The following RIPOR2 variants were observed in gnomAD, a reference collection of about 807,000 sequenced individuals.
RIPOR2 encodes RHO family interacting cell polarization regulator 2.
Under a neutral mutation model 114.5 loss-of-function variants are expected in RIPOR2, and 39 were observed. The observed-to-expected ratio is 0.34, with a 90% CI of 0.26 to 0.44. The LOEUF is 0.44. Ranked by LOEUF, RIPOR2 falls within the 20% of genes least tolerant of loss-of-function variation. The probability of loss-of-function intolerance (pLI) is 1.00; values close to 1 mark genes in which losing one functional copy is unlikely to be tolerated. For synonymous variants in RIPOR2, 445 were observed against 484.4 expected (o/e 0.92, Z 1.07); for missense variants, 1,007 against 1,255.1 (o/e 0.80, Z 2.99).
chr6:24,848,122 G>A lies in RIPOR2; in HGVS notation c.1067C>T (p.Ser356Leu). The change falls in exon 12 of 22, where the codon TCA (serine) becomes TTA (leucine). Residue 356 changes from serine (S) to leucine (L), a missense_variant. By Grantham distance (145) the Ser-to-Leu change is moderately radical (BLOSUM62 -2). Coordinates refer to ENST00000643898, the MANE Select transcript of RIPOR2 (RefSeq NM_001286445.3). ...GGCTGCTGCCTTGTTCCCAGCGCCT[G>A]AGGATGCGGTCATGTCCTCCACGTC... is the stretch of plus-strand genomic sequence containing the variant. ...PFDVEDMTAS[S>L]GAGNKAAALQ... The A allele has an allele frequency of 6.2e-7, 1 of 1,613,764 alleles. No homozygotes were observed. Among genetic ancestry groups the A allele is most frequent in the Non-Finnish European group, 8.5e-7 (1 of 1,179,806 alleles).
At chr6:24,994,123 T>C (rs1774947556) in intron 1 of RIPOR2, among the ~76,000 whole-genome samples, 1 of 152,144 alleles carries the variant, frequency 6.6e-6, no homozygotes, top group Non-Finnish European at 1.5e-5. Context: ...TTCTGAGTTA[T>C]AGTAATTGGG....
chr6:24,936,276 T>C (rs949091963), upstream of RIPOR2, among the ~76,000 whole-genome samples: 10 of 152,194 alleles, frequency 6.6e-5, no homozygotes, highest in African/African-American at 2.2e-4. Context: ...TTGAACACAA[T>C]GGGTTTTGTT....
At chr6:25,009,097 G>T (rs558687145) in intron 1 of RIPOR2, among the ~76,000 whole-genome samples, 6 of 152,330 alleles carry the variant, frequency 3.9e-5, no homozygotes, top group Non-Finnish European at 7.3e-5. Flanking sequence ...CTTGCTGGTG[G>T]CATCCCACTG....
At position 24,830,589 on chromosome 6, in the gene RIPOR2, G is replaced by A; in HGVS notation, c.2426C>T (p.Pro809Leu). 6.4e-7 allele frequency: 1 copy of A among 1,551,524 alleles called. No homozygotes were observed. Among genetic ancestry groups the A allele is most frequent in the Non-Finnish European group, 8.7e-7 (1 of 1,146,962 alleles). ...CAGCTGCTTCATCACTCTGTCCGCT[G>A]GGCTGTGGTAGACACCAACAGGGCT... is the stretch of plus-strand genomic sequence containing the variant. ...CCSPVGVYHSPADRVMKQLEA... is the reference protein window; with the variant it reads ...CCSPVGVYHSLADRVMKQLEA... Residue 809 changes from proline (P) to leucine (L), a missense_variant, in exon 17 of 22, where the codon CCA becomes CTA. Coordinates refer to ENST00000643898, the MANE Select transcript of RIPOR2 (RefSeq NM_001286445.3).
At chr6:24,968,358 T>C (rs1430667586) in intron 1 of RIPOR2, among the ~76,000 whole-genome samples, 1 of 152,170 alleles carries the variant, frequency 6.6e-6, no homozygotes, top group African/African-American at 2.4e-5. Flanking sequence ...CCCCTCCACT[T>C]CTGGAAGCAC....
intron 1 of RIPOR2, chr6:25,024,423 A>T: frequency 9.5e-7 from 1 of 1,055,220 alleles, no homozygotes. Flanking sequence ...CCACACGAGG[A>T]TGCAGGAGGT....
At position 24,963,755 on chromosome 6, in the gene RIPOR2, T is replaced by TGC. The variant is rs71941412; in HGVS notation, c.76+78095_76+78096insGC. Among the ~76,000 whole-genome samples, 902 of 152,002 alleles carry TGC rather than the reference T, an allele frequency of 5.9e-3. 14 individuals carry two copies. The highest frequency in any genetic ancestry group is 5.5e-3 in the Non-Finnish European group (377 of 67,956). ...TTGTGCATGCATGTGAATGTGTGTGTGTGTGTATTTGTCCTCCTTGGCATT... is the reference window on the plus strand; with the variant it reads ...TTGTGCATGCATGTGAATGTGTGTGTGCGTGTGTATTTGTCCTCCTTGGCATT... On this transcript the variant is annotated intron_variant, in intron 1 of 13. Transcript: ENST00000510784.
chr6:24,948,042 G>A (rs911174735), intron 1 of RIPOR2: 12 of 152,034 alleles, frequency 7.9e-5, no homozygotes, highest in South Asian at 6.2e-4. Context: ...CTAAAAAATC[G>A]AGACTGTCTC....
chr6:24,912,247 C>T (rs1769682917), intron 1 of RIPOR2, among the ~76,000 whole-genome samples: 1 of 152,198 alleles, frequency 6.6e-6, no homozygotes, highest in Non-Finnish European at 1.5e-5. Context: ...AGAGCAGGCA[C>T]TCCATAGCTA....
intron 1 of RIPOR2, among the ~76,000 whole-genome samples, chr6:25,010,700 G>A (rs1482510191): frequency 2.0e-5 from 3 of 152,126 alleles, no homozygotes; most frequent in African/African-American, 7.2e-5. Flanking sequence ...TATTATTCAG[G>A]CAAGCAGGAA....
At chr6:24,969,223 A>G (rs982463989) in intron 1 of RIPOR2, among the ~76,000 whole-genome samples, 4 of 152,134 alleles carry the variant, frequency 2.6e-5, no homozygotes, top group African/African-American at 9.7e-5. Flanking sequence ...CGTTACTGTT[A>G]TTCCAGGTGA....
intron 13 of RIPOR2, among the ~76,000 whole-genome samples, chr6:24,841,245 C>A (rs1761684427): frequency 6.6e-6 from 1 of 152,180 alleles, no homozygotes. Flanking sequence ...TGTCTTAGCT[C>A]TTTGAAATGA....
chr6:24,832,752 T>C (rs1261849287), intron 15 of RIPOR2, among the ~76,000 whole-genome samples: 3 of 152,226 alleles, frequency 2.0e-5, no homozygotes, highest in Admixed American at 2.0e-4. Flanking sequence ...AGATTTGTCT[T>C]ACAAATGCAG....
chr6:24,927,616 C>T (rs868352716), intron 1 of RIPOR2, among the ~76,000 whole-genome samples: 6 of 151,632 alleles, frequency 4.0e-5, no homozygotes, highest in Admixed American at 2.6e-4. Context: ...CCACTATCAT[C>T]ACTACCACCA....
At chr6:24,922,074 G>A (rs953597553) in intron 1 of RIPOR2, among the ~76,000 whole-genome samples, 3 of 151,630 alleles carry the variant, frequency 2.0e-5, no homozygotes, top group Non-Finnish European at 4.4e-5. Context: ...CAAGTGATCC[G>A]TCCTCCTCGG....
At chr6:24,905,959 C>T (rs918254204) in intron 1 of RIPOR2, among the ~76,000 whole-genome samples, 1 of 152,134 alleles carries the variant, frequency 6.6e-6, no homozygotes, top group Non-Finnish European at 1.5e-5. Context: ...GAGATCACTT[C>T]CAGGGGTAGA....
intron 1 of RIPOR2, among the ~76,000 whole-genome samples, chr6:24,911,498 G>T (rs2114069866): frequency 6.6e-6 from 1 of 152,318 alleles, no homozygotes; most frequent in Non-Finnish European, 1.5e-5. Context: ...GTGTGAGGGT[G>T]AGGTTGGCTG....
intron 1 of RIPOR2, among the ~76,000 whole-genome samples, chr6:24,929,703 A>C (rs757684329): frequency 3.3e-5 from 5 of 152,224 alleles, no homozygotes; most frequent in Non-Finnish European, 7.3e-5. Flanking sequence ...CTTTTGGCAG[A>C]TAATTAGTAG....
At chr6:25,013,169 TTTTC>T (rs775203137) in intron 1 of RIPOR2, among the ~76,000 whole-genome samples, 8 of 152,252 alleles carry the variant, frequency 5.3e-5, no homozygotes, top group African/African-American at 1.7e-4. Context: ...TGCTTTTTTC[TTTTC>T]TTTGTTTTTA....
Sources: gnomAD v4.1 joint callset for allele counts (sites outside exome capture counted in the v4.1 genomes callset) on GRCh38, gnomAD v4.1.1 for gene constraint, MANE v1.5 for transcripts, NCBI Gene and HGNC (gene_info 2026-07-23, HGNC 2026-07-21) for gene names.